The following DIO2 variants were observed in gnomAD, a reference collection of about 807,000 sequenced individuals.
The protein encoded by DIO2 is type II iodothyronine deiodinase.
Under a neutral mutation model 21.4 loss-of-function variants are expected in DIO2, and 19 were observed. That is an observed-to-expected ratio of 0.89 (90% confidence interval 0.62 to 1.30). The LOEUF (loss-of-function observed/expected upper bound fraction) is 1.30. DIO2 is among the 50% of genes most tolerant of loss of function. The pLI is 0.00. For synonymous variants in DIO2, 122 were observed against 132.9 expected, an observed-to-expected ratio of 0.92 and a Z score of 0.57; for missense variants, 302 against 338.1, an observed-to-expected ratio of 0.89 and a Z score of 0.84.
intron 1 of DIO2, among the ~76,000 whole-genome samples, chr14:80,210,655 A>C (rs1236797957): frequency 6.6e-6 from 1 of 152,178 alleles, no homozygotes; most frequent in African/African-American, 2.4e-5. Flanking sequence ...CAAAGGGTTC[A>C]AATTTGAATC....
At chr14:80,226,186 C>T (rs1016772471) in intron 2 of DIO2, among the ~76,000 whole-genome samples, 2 of 152,098 alleles carry the variant, frequency 1.3e-5, no homozygotes, top group Non-Finnish European at 2.9e-5. Flanking sequence ...AGAACTTTGC[C>T]ACAGTCCTGC....
In DIO2 at chr14:80,201,698, A is replaced by T. The variant is rs1052108253; in HGVS notation, c.*991T>A. ...TAATTAACCCACTGAAAATATACAT[A>T]CCACATACATGGTTCAAAAGTAATT... On this transcript the variant is annotated 3_prime_UTR_variant, in exon 2 of 2. Transcript: ENST00000438257. The T allele has an allele frequency of 6.6e-6, 1 of 152,232 alleles. No individual in the cohort carries two copies. Among genetic ancestry groups the T allele is most frequent in the African/African-American group, 2.4e-5 (1 of 41,458 alleles). The allele number at this position is 152,232 out of a possible 1,614,324, so 9.4% of individuals were successfully genotyped here.
rs972549221 is a variant in DIO2 at position 80,202,416 on chromosome 14, C to T, written c.*273G>A. On this transcript the variant is annotated 3_prime_UTR_variant, in exon 2 of 2. Coordinates refer to ENST00000438257, the MANE Select transcript of DIO2 (RefSeq NM_013989.5). ...CAGTTCCTTCTCAATGCAGAATGAA[C>T]ACATGCTGAATTAGCGTTTCTTCCT... is the stretch of plus-strand genomic sequence containing the variant. The T allele has an allele frequency of 6.3e-5, 43 of 677,396 alleles. No individual in the cohort carries two copies. Among genetic ancestry groups the T allele is most frequent in the Middle Eastern group, 5.0e-4 (2 of 4,014 alleles). The allele number at this position is 677,396 out of a possible 1,614,324, so 42.0% of individuals were successfully genotyped here. A position where few individuals can be genotyped will look rare whatever the true frequency, so the allele number is the denominator to read the frequency against.
chr14:80,216,474 C>T (rs1042025864), upstream of DIO2, among the ~76,000 whole-genome samples: 1 of 152,146 alleles, frequency 6.6e-6, no homozygotes, highest in East Asian at 1.9e-4. Context: ...CCCCTCTCCC[C>T]ACTGCCCAAA....
Position 80,199,422 on chromosome 14 carries a change from T to G in DIO2, c.*3267A>C, listed in dbSNP as rs1278173925. The stretch of plus-strand genomic sequence containing the variant: ...TGAAGACACAGGACCAGAGACCCAA[T>G]GTGAAAAAAGAAAGTCATGTAAGTT... On this transcript the variant is annotated 3_prime_UTR_variant, in exon 2 of 2. Coordinates refer to ENST00000438257, the MANE Select transcript of DIO2 (RefSeq NM_013989.5). The G allele has an allele frequency of 6.6e-6, 1 of 152,084 alleles. No individual in the cohort carries two copies. The highest frequency in any genetic ancestry group is 1.5e-5 in the Non-Finnish European group (1 of 68,030). 9.4% of individuals were successfully genotyped at this position (152,084 alleles called of 1,614,324 possible). A position where few individuals can be genotyped will look rare whatever the true frequency, so the allele number is the denominator to read the frequency against.
rs1251484579 is a variant in DIO2, at chr14:80,199,219, T to G, written c.*3470A>C. ...CATGTGACCTCACCATATTTCATAA[T>G]TTTTATTTCAGAGCCCAAATAGTAA... On this transcript the variant is annotated 3_prime_UTR_variant, in exon 2 of 2. Coordinates refer to ENST00000438257, the MANE Select transcript of DIO2 (RefSeq NM_013989.5). 6.6e-6 allele frequency: 1 copy of G among 152,240 alleles called. No individual in the cohort carries two copies. The highest frequency in any genetic ancestry group is 1.5e-5 in the Non-Finnish European group (1 of 68,044). 9.4% of individuals were successfully genotyped at this position (152,240 alleles called of 1,614,324 possible). A position where few individuals can be genotyped will look rare whatever the true frequency, so the allele number is the denominator to read the frequency against.
Position 80,202,627 on chromosome 14 carries a change from T to C in DIO2, c.*62A>G. On this transcript the variant is annotated 3_prime_UTR_variant, in exon 2 of 2. Coordinates refer to ENST00000438257, the MANE Select transcript of DIO2 (RefSeq NM_013989.5). The stretch of plus-strand genomic sequence containing the variant: ...GGGCTCTGTTGAAATATGGATTCAG[T>C]TCTTAATTTCCTTGCCTTTATATAA... The C allele has an allele frequency of 4.1e-6, 6 of 1,477,922 alleles. No homozygotes were observed. The South Asian group carries it at 8.1e-5, about 20-fold the overall frequency. 91.6% of individuals were successfully genotyped at this position (1,477,922 alleles called of 1,614,324 possible).
chr14:80,203,108 G>A lies in DIO2; in HGVS notation c.403C>T (p.Pro135Ser). The A allele has an allele frequency of 1.2e-6, 2 of 1,613,818 alleles. No individual in the cohort carries two copies. Among genetic ancestry groups the A allele is most frequent in the South Asian group, 2.2e-5 (2 of 91,044 alleles). Residue 135 changes from proline to serine, a missense_variant, in exon 2 of 2, where the codon CCT (proline) becomes TCT (serine). By Grantham distance (74) the Pro-to-Ser change is moderately conservative (BLOSUM62 -1). Transcript: ENST00000438257. The part of the protein sequence containing the change: ...VVNFGSATUP[P>S]FTSQLPAFRK... ...AAGGCTGGCAGCTGGCTCGTGAAAG[G>A]AGGTCAAGTGGCTGAGCCAAAGTTG...
In DIO2 at chr14:80,199,414, AGACCC is replaced by A. The variant is rs1264372690; in HGVS notation, c.*3270_*3274del. On this transcript the variant is annotated 3_prime_UTR_variant, in exon 2 of 2. Transcript: ENST00000438257. The stretch of plus-strand genomic sequence containing the variant: ...AAATGAGGTGAAGACACAGGACCAG[AGACCC>A]AATGTGAAAAAAGAAAGTCATGTAA... 19 of 152,230 alleles carry A rather than the reference AGACCC, an allele frequency of 1.2e-4. No homozygotes were observed. The highest frequency in any genetic ancestry group is 4.6e-4 in the African/African-American group (19 of 41,460). 9.4% of individuals were successfully genotyped at this position (152,230 alleles called of 1,614,324 possible).
Position 80,202,993 on chromosome 14 carries a change from G to A in DIO2, c.518C>T (p.Pro173Leu). 6.2e-7 allele frequency: 1 copy of A among 1,613,866 alleles called. No individual in the cohort carries two copies. The change falls in exon 2 of 2, where the codon CCG (proline) becomes CTG (leucine). Residue 173 changes from proline to leucine, a missense_variant. Transcript: ENST00000438257. ...EAHPSDGWAI[P>L]GDSSLSFEVK... The stretch of plus-strand genomic sequence containing the variant: ...CTCAAAAGACAAAGAGGAGTCCCCC[G>A]GTATCGCCCAGCCATCTGATGGATG...
intron 2 of DIO2, among the ~76,000 whole-genome samples, chr14:80,229,519 G>T (rs1408071839): frequency 3.9e-5 from 6 of 152,104 alleles, no homozygotes; most frequent in Admixed American, 2.0e-4. Context: ...TTGGTCAAGG[G>T]TATATCTTCT....
rs1012626406 is a variant in DIO2, at chr14:80,198,603, T to C, written c.*4086A>G. On this transcript the variant is annotated 3_prime_UTR_variant, in exon 2 of 2. Coordinates refer to ENST00000438257, the MANE Select transcript of DIO2 (RefSeq NM_013989.5). ...AGATCCTCTCTTTTCTTAGAGAGCC[T>C]CAGGACATGACCAAGATTGTGCCCA... is the stretch of plus-strand genomic sequence containing the variant. 1 of 152,096 alleles carries C rather than the reference T, an allele frequency of 6.6e-6. No homozygotes were observed. Among genetic ancestry groups the C allele is most frequent in the Non-Finnish European group, 1.5e-5 (1 of 68,046 alleles). 9.4% of individuals were successfully genotyped at this position (152,096 alleles called of 1,614,324 possible).
intron 1 of DIO2, among the ~76,000 whole-genome samples, chr14:80,210,656 A>C (rs560785669): frequency 4.6e-5 from 7 of 152,238 alleles, no homozygotes; most frequent in Admixed American, 3.3e-4. Flanking sequence ...AAAGGGTTCA[A>C]ATTTGAATCA....
Position 80,198,851 on chromosome 14 carries a change from G to C in DIO2, c.*3838C>G, listed in dbSNP as rs1174071106. ...CACTGCTGAGACACATGACAGTGGG[G>C]ATGTTCTGAAAAGCTCTAAATGCTA... On this transcript the variant is annotated 3_prime_UTR_variant, in exon 2 of 2. Transcript: ENST00000438257. 3 of 151,912 alleles carry C rather than the reference G, an allele frequency of 2.0e-5. No homozygotes were observed. Among genetic ancestry groups the C allele is most frequent in the African/African-American group, 7.3e-5 (3 of 41,378 alleles). 9.4% of individuals were successfully genotyped at this position (151,912 alleles called of 1,614,324 possible).
At chr14:80,214,703 G>A (rs542887445), upstream of DIO2, among the ~76,000 whole-genome samples, 3 of 151,354 alleles carry the variant, frequency 2.0e-5, no homozygotes, top group African/African-American at 7.3e-5. Flanking sequence ...TTTATGCATG[G>A]TGCACAATTG....
At chr14:80,203,813 TGG>T (rs1431410619) in intron 1 of DIO2, among the ~76,000 whole-genome samples, 1 of 152,236 alleles carries the variant, frequency 6.6e-6, no homozygotes, top group Non-Finnish European at 1.5e-5. Flanking sequence ...GTGATACCAG[TGG>T]GCTCTATTCT....
At chr14:80,213,009 C>T (rs935568609), upstream of DIO2, among the ~76,000 whole-genome samples, 2 of 152,146 alleles carry the variant, frequency 1.3e-5, no homozygotes, top group Non-Finnish European at 2.9e-5. Context: ...TGGTGTTTCA[C>T]CTGCTTCTGT....
Position 80,211,410 on chromosome 14 carries a change from G to A in DIO2, c.63C>T (p.Asn21=). Residue 21 remains asparagine, a synonymous_variant, in exon 1 of 2, where the codon AAC becomes AAT. Transcript: ENST00000438257. ...AGTCATAGAGAGCCAGGAAGAGGCA[G>A]TTGGAGAAAAAAACTGGCAGAATTT... ...TLQILPVFFS[N]CLFLALYDSV... 2 of 1,613,456 alleles carry A rather than the reference G, an allele frequency of 1.2e-6. No homozygotes were observed. The highest frequency in any genetic ancestry group is 1.7e-6 in the Non-Finnish European group (2 of 1,179,746).
At chr14:80,213,111 A>G (rs1002728204), upstream of DIO2, among the ~76,000 whole-genome samples, 11 of 152,212 alleles carry the variant, frequency 7.2e-5, no homozygotes, top group African/African-American at 2.7e-4. Context: ...TTAAGAGCCG[A>G]CTGAATTGGT....
Sources: gnomAD v4.1 joint callset for allele counts (sites outside exome capture counted in the v4.1 genomes callset) on GRCh38, gnomAD v4.1.1 for gene constraint, MANE v1.5 for transcripts, NCBI Gene and HGNC (gene_info 2026-07-23, HGNC 2026-07-21) for gene names.